Variants in TOP1 observed in about 807,000 individuals in gnomAD.
TOP1 encodes DNA topoisomerase I, also known as DNA topoisomerase 1.
Under a neutral mutation model 111.1 loss-of-function variants are expected in TOP1, and 10 were observed. The observed-to-expected ratio is 0.09, with a 90% CI of 0.06 to 0.15. The LOEUF is 0.15. Ranked by LOEUF, TOP1 falls within the 10% of genes least tolerant of loss-of-function variation. The pLI is 1.00. For synonymous variants in TOP1, 271 were observed against 302.9 expected (o/e 0.89, Z 1.10); for missense variants, 474 against 926.7 (o/e 0.51, Z 6.34).
chr20:41,104,481 G>A (rs1047564513), intron 13 of TOP1, among the ~76,000 whole-genome samples: 3 of 152,202 alleles, frequency 2.0e-5, no homozygotes, highest in Admixed American at 6.5e-5. Flanking sequence ...TTAATTGTTG[G>A]AGCCTCTCTG....
At chr20:41,056,811 C>G (rs971901275) in intron 2 of TOP1, among the ~76,000 whole-genome samples, 4 of 152,092 alleles carry the variant, frequency 2.6e-5, no homozygotes, top group African/African-American at 9.7e-5. Context: ...ACTTGGGGTT[C>G]AGATCTTTGA....
intron 13 of TOP1, among the ~76,000 whole-genome samples, chr20:41,105,282 A>G (rs1415317001): frequency 1.3e-5 from 2 of 152,216 alleles, no homozygotes; most frequent in African/African-American, 4.8e-5. Context: ...GTTGTAAACT[A>G]TTGTAAGCTA....
In TOP1 at chr20:41,080,305, T is replaced by C. The variant is rs956318458; in HGVS notation, c.431+125T>C. 7 of 590,306 alleles carry C rather than the reference T, an allele frequency of 1.2e-5. No homozygotes were observed. Among genetic ancestry groups the C allele is most frequent in the Non-Finnish European group, 2.1e-5 (7 of 339,002 alleles). 36.6% of individuals were successfully genotyped at this position (590,306 alleles called of 1,614,324 possible). ...AATTGGCTTTTACTCATTTGGAATT[T>C]GTGATTAATGGACTGATTTCTCTGA... On this transcript the variant is annotated intron_variant, in intron 6 of 20. Coordinates refer to ENST00000361337, the MANE Select transcript of TOP1 (RefSeq NM_003286.4). The surrounding 1 kb of genome is among the most constrained non-coding windows in gnomAD (Gnocchi z 5.0).
chr20:41,101,918 TTTATTGATAGTG>T lies in TOP1; in HGVS notation c.1308+572_1308+583del, dbSNP rs2034069446. 6.6e-6 allele frequency among the ~76,000 whole-genome samples: 1 copy of T among 152,244 alleles called. No individual in the cohort carries two copies. The highest frequency in any genetic ancestry group is 2.4e-5 in the African/African-American group (1 of 41,472). ...TGTGTTACATACCTATGCACTGTTA[TTTATTGATAGTG>T]TTATTGCAAGGAGATAACTGCCTTG... is the stretch of plus-strand genomic sequence containing the variant. On this transcript the variant is annotated intron_variant, in intron 13 of 20. Coordinates refer to ENST00000361337, the MANE Select transcript of TOP1 (RefSeq NM_003286.4). This position sits in a 1 kb window ranked among gnomAD's most constrained non-coding sequence, Gnocchi z 4.1.
rs1436725025 is a variant in TOP1 at position 41,123,190 on chromosome 20, T to C, written c.2196-5T>C. The C allele has an allele frequency of 3.7e-6, 6 of 1,611,502 alleles. No individual in the cohort carries two copies. The East Asian group carries it at 1.3e-4, about 36-fold the overall frequency. The stretch of plus-strand genomic sequence containing the variant: ...ATCCCCCCCTTATTTCTCCTTTGTT[T>C]GCAGGTGCAAGAAGTGGGGTGTCCC... On this transcript the variant is annotated splice_polypyrimidine_tract_variant and splice_region_variant and intron_variant, in intron 20 of 20. Transcript: ENST00000361337. The surrounding 1 kb of genome is among the most constrained non-coding windows in gnomAD (Gnocchi z 5.8).
intron 8 of TOP1, among the ~76,000 whole-genome samples, chr20:41,088,798 A>G (rs1322174718): frequency 6.6e-6 from 1 of 152,052 alleles, no homozygotes; most frequent in Non-Finnish European, 1.5e-5. Flanking sequence ...AAGATCTTTA[A>G]TATTCCTTTG....
chr20:41,054,625 A>G (rs1205965667), intron 2 of TOP1, among the ~76,000 whole-genome samples: 1 of 152,212 alleles, frequency 6.6e-6, no homozygotes. Context: ...TGGCACCCGT[A>G]TTAGTGCCCT....
intron 2 of TOP1, among the ~76,000 whole-genome samples, chr20:41,052,610 C>T (rs535103947): frequency 2.3e-4 from 35 of 152,160 alleles, no homozygotes; most frequent in African/African-American, 7.9e-4. Flanking sequence ...TTTCTTATTC[C>T]TGTATATTTT....
At chr20:41,073,483 G>A (rs975020728) in intron 3 of TOP1, 9 of 984,890 alleles carry the variant, frequency 9.1e-6, no homozygotes, top group East Asian at 1.1e-4. Flanking sequence ...GTTTCTCCTC[G>A]ATGGTAAAAT....
At position 41,098,348 on chromosome 20, in the gene TOP1, A is replaced by G; in HGVS notation, c.975+11A>G. On this transcript the variant is annotated intron_variant, in intron 11 of 20. Coordinates refer to ENST00000361337, the MANE Select transcript of TOP1 (RefSeq NM_003286.4). This position sits in a 1 kb window ranked among gnomAD's most constrained non-coding sequence, Gnocchi z 5.7. ...AAGGAAGAGAAACTGGTACTACAGA[A>G]TTTATTAAACCTCTGGAGAATTCTG... 6.2e-7 allele frequency: 1 copy of G among 1,610,104 alleles called. No individual in the cohort carries two copies. Among genetic ancestry groups the G allele is most frequent in the Non-Finnish European group, 8.5e-7 (1 of 1,178,990 alleles).
chr20:41,110,896 G>A lies in TOP1; in HGVS notation c.1309-1886G>A, dbSNP rs539123706. Among the ~76,000 whole-genome samples the A allele has an allele frequency of 7.6e-4, 115 of 152,276 alleles. 2 individuals carry two copies. The highest frequency in any genetic ancestry group is 2.7e-3 in the African/African-American group (113 of 41,558). On this transcript the variant is annotated intron_variant, in intron 13 of 20. Transcript: ENST00000361337. This position sits in a 1 kb window ranked among gnomAD's most constrained non-coding sequence, Gnocchi z 4.2. ...ACTTCTTGGAGGCCAGCCATCTCCT[G>A]CTGGATCTAAGCGGGGTGGCTTCTG...
Position 41,079,978 on chromosome 20 carries a change from A to G in TOP1, c.336-107A>G. On this transcript the variant is annotated intron_variant, in intron 5 of 20. Transcript: ENST00000361337. The surrounding 1 kb of genome is among the most constrained non-coding windows in gnomAD (Gnocchi z 4.0). Reference sequence around the variant, plus strand: ...ACATCTTCATGATATGTACGTGGTTATCCTTATTTCTGTTAGCTTCTTTTC... The same window carrying G: ...ACATCTTCATGATATGTACGTGGTTGTCCTTATTTCTGTTAGCTTCTTTTC... The G allele has an allele frequency of 2.8e-6, 2 of 720,582 alleles. No individual in the cohort carries two copies. Among genetic ancestry groups the G allele is most frequent in the Non-Finnish European group, 4.9e-6 (2 of 411,812 alleles). The allele number at this position is 720,582 out of a possible 1,614,324, so 44.6% of individuals were successfully genotyped here.
intron 2 of TOP1, among the ~76,000 whole-genome samples, chr20:41,044,339 C>G (rs2033306249): frequency 6.6e-6 from 1 of 152,168 alleles, no homozygotes; most frequent in South Asian, 2.1e-4. Flanking sequence ...TAATTACTTT[C>G]AGAGATAAGT....
chr20:41,052,330 G>GT (rs1291137239), intron 2 of TOP1, among the ~76,000 whole-genome samples: 1 of 152,164 alleles, frequency 6.6e-6, no homozygotes, highest in African/African-American at 2.4e-5. Context: ...ATGGTCTTTT[G>GT]TGCTCATCAT....
chr20:41,032,117 G>T lies in TOP1; in HGVS notation c.58+2662G>T, dbSNP rs1056271217. ...GTCATTATTGAACTTTGTATTAAGA[G>T]ATTGTTTAAGCGTGATTTTAAGAGG... On this transcript the variant is annotated intron_variant, in intron 2 of 20. Transcript: ENST00000361337. The surrounding 1 kb of genome is among the most constrained non-coding windows in gnomAD (Gnocchi z 4.3). Among the ~76,000 whole-genome samples the T allele has an allele frequency of 6.6e-6, 1 of 152,130 alleles. No homozygotes were observed. Among genetic ancestry groups the T allele is most frequent in the African/African-American group, 2.4e-5 (1 of 41,430 alleles).
intron 14 of TOP1, 133 bp from the exon 15 acceptor site, chr20:41,113,837 T>C (rs1397660220): frequency 1.1e-5 from 7 of 628,334 alleles, no homozygotes; most frequent in East Asian, 2.9e-5. Context: ...GAGCCAAAAT[T>C]GCGCCATTGC....
rs747098045 is a variant in TOP1 at position 41,082,377 on chromosome 20, AT to A, written c.507+1139del. Among the ~76,000 whole-genome samples the A allele has an allele frequency of 7.2e-5, 11 of 152,240 alleles. No individual in the cohort carries two copies. The highest frequency in any genetic ancestry group is 1.0e-4 in the Non-Finnish European group (7 of 68,034). On this transcript the variant is annotated intron_variant, in intron 7 of 20. Transcript: ENST00000361337. The surrounding 1 kb of genome is among the most constrained non-coding windows in gnomAD (Gnocchi z 4.1). Reference sequence around the variant, plus strand: ...AACCTGAATAGGTTGTTACATCCCTATTATCATCTCCATTTTGCAGATGCAG... The same window carrying A: ...AACCTGAATAGGTTGTTACATCCCTATATCATCTCCATTTTGCAGATGCAG...
intron 3 of TOP1, chr20:41,072,874 T>G (rs2033683582): frequency 2.0e-6 from 2 of 985,318 alleles, no homozygotes; most frequent in African/African-American, 3.5e-5. Context: ...AAAATGCAAA[T>G]CTGCTCTTAT....
At chr20:41,108,751 C>T (rs79611331) in intron 13 of TOP1, among the ~76,000 whole-genome samples, 10,300 of 152,216 alleles carry the variant, frequency 0.068, 372 homozygotes, top group Middle Eastern at 0.17. Context: ...CTGGAACCTG[C>T]AGTTTCAACC....
Sources: allele counts gnomAD v4.1 joint callset (sites outside exome capture counted in the v4.1 genomes callset), GRCh38; gene constraint gnomAD v4.1.1; non-coding constraint Gnocchi (gnomAD v3.1); transcripts MANE v1.5; gene names NCBI Gene and HGNC (gene_info 2026-07-23, HGNC 2026-07-21).